CBLIF: variants seen among roughly 807,000 people sequenced by gnomAD.
CBLIF encodes the protein gastric intrinsic factor (vitamin B synthesis).
CBLIF carries 24 observed loss-of-function variants against 44.9 expected under a neutral mutation model. That is an observed-to-expected ratio of 0.53 (90% confidence interval 0.39 to 0.75). The LOEUF is 0.75. CBLIF is among the 30% of genes least tolerant of loss of function. The pLI, the probability that CBLIF is intolerant of heterozygous loss-of-function variation, is 0.00. For missense variants in CBLIF, 481 were observed against 513.0 expected, an observed-to-expected ratio of 0.94 and a Z score of 0.60; for synonymous variants, 183 against 190.9, an observed-to-expected ratio of 0.96 and a Z score of 0.34.
At chr11:59,834,774 A>G (rs1236489780) in intron 7 of CBLIF, among the ~76,000 whole-genome samples, 1 of 152,098 alleles carries the variant, frequency 6.6e-6, no homozygotes, top group Non-Finnish European at 1.5e-5. Context: ...TTTTCTTTGA[A>G]AGATATTCTT....
Position 59,845,440 on chromosome 11 carries a change from G to T in CBLIF, c.14C>A (p.Ala5Asp). 6.2e-7 allele frequency: 1 copy of T among 1,608,694 alleles called. No homozygotes were observed. Among genetic ancestry groups the T allele is most frequent in the Non-Finnish European group, 8.5e-7 (1 of 1,175,302 alleles). The part of the protein sequence containing the change: MAWF[A>D]LYLLSLLWAT... ...CCAGAGAAGGCTCAGGAGGTAGAGGGCAAACCAGGCCATCTCACTCTCTCG... is the reference window on the plus strand; with the variant it reads ...CCAGAGAAGGCTCAGGAGGTAGAGGTCAAACCAGGCCATCTCACTCTCTCG... Residue 5 changes from alanine (A) to aspartate (D), a missense_variant, in exon 1 of 9, where the codon GCC becomes GAC. Physicochemically the swap from Ala to Asp is moderately radical, Grantham distance 126 (BLOSUM62 -2). Transcript: ENST00000257248.
Position 59,842,498 on chromosome 11 carries a change from C to A in CBLIF, c.456G>T (p.Pro152=). Residue 152 remains proline, a synonymous_variant, in exon 4 of 9, where the codon CCG becomes CCT. Coordinates refer to ENST00000257248, the MANE Select transcript of CBLIF (RefSeq NM_005142.3). ...GGGTCTTGGCAAAGCGGACGGCTAT[C>A]GGCAAGGTCGCCTCAGAGTTCTTCT... ...LCQKNSEATL[P]IAVRFAKTLL... 1 of 1,613,886 alleles carries A rather than the reference C, an allele frequency of 6.2e-7. No individual in the cohort carries two copies. Among genetic ancestry groups the A allele is most frequent in the Non-Finnish European group, 8.5e-7 (1 of 1,180,024 alleles).
intron 5 of CBLIF, 100 bp from the exon 6 acceptor site, chr11:59,837,451 G>T (rs2135089997): frequency 2.3e-6 from 2 of 886,670 alleles, no homozygotes; most frequent in East Asian, 2.6e-5. Flanking sequence ...TAATCATGGT[G>T]ATCACGTAGT....
intron 7 of CBLIF, 36 bp downstream of exon 7, chr11:59,835,772 C>A: frequency 6.7e-7 from 1 of 1,493,266 alleles, no homozygotes; most frequent in Non-Finnish European, 9.3e-7. Flanking sequence ...CAGATCAGGC[C>A]TTGAGAGAAT....
chr11:59,829,848 TA>T (rs1233406204), intron 8 of CBLIF, among the ~76,000 whole-genome samples: 1 of 152,262 alleles, frequency 6.6e-6, no homozygotes, highest in Non-Finnish European at 1.5e-5. Flanking sequence ...TCTGAAGAGT[TA>T]TTTTCAAAAT....
chr11:59,830,459 G>A (rs936278063), intron 8 of CBLIF, among the ~76,000 whole-genome samples: 28 of 151,784 alleles, frequency 1.8e-4, no homozygotes, highest in Admixed American at 1.2e-3. Context: ...GGATGGTCTT[G>A]ATCTCCTGAC....
At position 59,829,407 on chromosome 11, in the gene CBLIF, C is replaced by T; in HGVS notation, c.*77G>A. The T allele has an allele frequency of 1.1e-6, 1 of 906,826 alleles. No homozygotes were observed. The highest frequency in any genetic ancestry group is 1.6e-5 in the African/African-American group (1 of 61,538). The allele number at this position is 906,826 out of a possible 1,614,324, so 56.2% of individuals were successfully genotyped here. A position where few individuals can be genotyped will look rare whatever the true frequency, so the allele number is the denominator to read the frequency against. The stretch of plus-strand genomic sequence containing the variant: ...AGCATCACAGGCATTCGCTTTTTTG[C>T]ATAGATTTAAAATGAAGTGGAAAAA... On this transcript the variant is annotated 3_prime_UTR_variant, in exon 9 of 9. Coordinates refer to ENST00000257248, the MANE Select transcript of CBLIF (RefSeq NM_005142.3).
chr11:59,837,389 A>T, intron 5 of CBLIF, 38 bp from the exon 6 acceptor site: 1 of 1,499,372 alleles, frequency 6.7e-7, no homozygotes, highest in Non-Finnish European at 9.3e-7. Flanking sequence ...AAGAGTAATT[A>T]GGCATAGCTG....
rs3973727 is a variant in CBLIF, at chr11:59,831,479, T to TTA, written c.1192+197_1192+198dup. 0.055 allele frequency: 11,237 copies of TTA among 205,632 alleles called. 385 individuals are homozygous for TTA. The highest frequency in any genetic ancestry group is 0.11 in the Admixed American group (1,788 of 16,972). 12.7% of individuals were successfully genotyped at this position (205,632 alleles called of 1,614,324 possible). A position where few individuals can be genotyped will look rare whatever the true frequency, so the allele number is the denominator to read the frequency against. On this transcript the variant is annotated intron_variant, in intron 8 of 8. Transcript: ENST00000257248. ...ATTAATCTCTTTCTCTATGTAATGA[T>TTA]TATATATATATATATATATACACAA... is the stretch of plus-strand genomic sequence containing the variant.
chr11:59,829,632 TGA>T, intron 8 of CBLIF, 87 bp from the exon 9 acceptor site: 2 of 804,854 alleles, frequency 2.5e-6, no homozygotes, highest in Non-Finnish European at 4.5e-6. Flanking sequence ...CTAGATGCAG[TGA>T]ACCCATTAAA....
At chr11:59,845,249 A>G in intron 1 of CBLIF, 126 bp downstream of exon 1, 2 of 1,385,174 alleles carry the variant, frequency 1.4e-6, no homozygotes, top group Non-Finnish European at 2.0e-6. Context: ...ACACAATCAC[A>G]CTCAGACTTA....
Position 59,834,291 on chromosome 11 carries a change from T to C in CBLIF, c.1073+1517A>G, listed in dbSNP as rs1356857533. ...TTCTTTCTTTCTTTCTTTCTTTCTT[T>C]CTTTCTTTCTTTCTTTCTTTCTTCC... On this transcript the variant is annotated intron_variant, in intron 7 of 8. Coordinates refer to ENST00000257248, the MANE Select transcript of CBLIF (RefSeq NM_005142.3). 1.1e-3 allele frequency among the ~76,000 whole-genome samples: 151 copies of C among 138,994 alleles called. 3 individuals are homozygous for C. The highest frequency in any genetic ancestry group is 3.9e-3 in the African/African-American group (139 of 35,356). The allele number at this position is 138,994 out of a possible 152,430, so 91.2% of individuals were successfully genotyped here. A position where few individuals can be genotyped will look rare whatever the true frequency, so the allele number is the denominator to read the frequency against.
intron 5 of CBLIF, 108 bp from the exon 6 acceptor site, chr11:59,837,459 A>G: frequency 1.2e-6 from 1 of 839,740 alleles, no homozygotes; most frequent in Non-Finnish European, 2.0e-6. Context: ...GTGATCACGT[A>G]GTCACCCAGA....
intron 6 of CBLIF, 23 bp downstream of exon 6, chr11:59,837,151 A>G (rs1421420531): frequency 1.3e-6 from 2 of 1,587,376 alleles, no homozygotes; most frequent in African/African-American, 1.3e-5. Context: ...GCTTTATGAC[A>G]TAAGGAGAGG....
At chr11:59,830,609 G>T (rs1202969304) in intron 8 of CBLIF, among the ~76,000 whole-genome samples, 1 of 152,046 alleles carries the variant, frequency 6.6e-6, no homozygotes, top group Non-Finnish European at 1.5e-5. Context: ...TTTTGATAGA[G>T]ACATTTCTTG....
At chr11:59,834,539 C>T (rs1000553130) in intron 7 of CBLIF, among the ~76,000 whole-genome samples, 27 of 151,296 alleles carry the variant, frequency 1.8e-4, no homozygotes, top group Non-Finnish European at 3.5e-4. Context: ...ACCACAGGCA[C>T]GCACCACCAC....
chr11:59,843,108 A>G lies in CBLIF; in HGVS notation c.290T>C (p.Met97Thr), dbSNP rs150884181. 15,732 of 1,613,536 alleles carry G rather than the reference A, an allele frequency of 9.8e-3. 136 individuals carry two copies. The highest frequency in any genetic ancestry group is 0.011 in the Non-Finnish European group (12,580 of 1,179,440). Residue 97 changes from methionine to threonine, a missense_variant, in exon 3 of 9, where the codon ATG becomes ACG. Physicochemically the swap from Met to Thr is moderately conservative, Grantham distance 81. Coordinates refer to ENST00000257248, the MANE Select transcript of CBLIF (RefSeq NM_005142.3). The stretch of plus-strand genomic sequence containing the variant: ...GTCTCGGCAGGAGGAGGTGAGGGCC[A>G]TGATGGTGAGGCCGAGCTGCCCAAT... The part of the protein sequence containing the change: ...LTIGQLGLTI[M>T]ALTSSCRDPG...
At chr11:59,839,464 A>C (rs1247661117) in intron 5 of CBLIF, among the ~76,000 whole-genome samples, 1 of 152,228 alleles carries the variant, frequency 6.6e-6, no homozygotes, top group African/African-American at 2.4e-5. Flanking sequence ...TATTATGGGG[A>C]AAATAAAATC....
chr11:59,839,893 T>TA (rs112520963), intron 5 of CBLIF, among the ~76,000 whole-genome samples: 12,599 of 146,380 alleles, frequency 0.086, 1,618 homozygotes, highest in African/African-American at 0.28. Context: ...GAGTCACACA[T>TA]AAAAAAAAAA....
Sources: gnomAD v4.1 joint callset for allele counts (sites outside exome capture counted in the v4.1 genomes callset) on GRCh38, gnomAD v4.1.1 for gene constraint, MANE v1.5 for transcripts, NCBI Gene and HGNC (gene_info 2026-07-23, HGNC 2026-07-21) for gene names.